The following ZNF280D variants were observed in gnomAD, a reference collection of about 807,000 sequenced individuals.
ZNF280D encodes the protein zinc finger protein 280D.
ZNF280D carries 39 observed loss-of-function variants against 94.7 expected under a neutral mutation model. The ratio of observed to expected loss-of-function variants is 0.41; its 90% CI spans 0.32 to 0.54. The LOEUF (loss-of-function observed/expected upper bound fraction) is 0.54. ZNF280D is among the 20% of genes least tolerant of loss of function. The pLI is 0.22. For synonymous variants in ZNF280D, 398 were observed against 377.6 expected (o/e 1.05, Z -0.63); for missense variants, 1,090 against 1,149.3 (o/e 0.95, Z 0.75).
At chr15:56,701,406 A>G (rs1442045765) in intron 4 of ZNF280D, among the ~76,000 whole-genome samples, 168 bp from the exon 5 acceptor site, 1 of 152,104 alleles carries the variant, frequency 6.6e-6, no homozygotes, top group African/African-American at 2.4e-5. Context: ...TTTACCTACT[A>G]AAGAAACAAA....
At chr15:56,666,060 T>C (rs1596407596) in intron 16 of ZNF280D, among the ~76,000 whole-genome samples, 1 of 151,882 alleles carries the variant, frequency 6.6e-6, no homozygotes, top group East Asian at 2.0e-4. Flanking sequence ...TGCTTGATCC[T>C]GGGAGGCAGA....
chr15:56,704,335 A>T (rs1202183792), intron 3 of ZNF280D, 68 bp from the exon 4 acceptor site: 2 of 1,415,002 alleles, frequency 1.4e-6, no homozygotes, highest in Non-Finnish European at 1.9e-6. Context: ...TTTGTAATAC[A>T]TAGCATTAAT....
intron 1 of ZNF280D, chr15:56,730,298 A>T (rs1273036144): frequency 6.6e-6 from 1 of 152,234 alleles, no homozygotes; most frequent in Admixed American, 6.5e-5. Flanking sequence ...CAAGAAAAAA[A>T]CTATTCAGGA....
intron 17 of ZNF280D, chr15:56,654,861 G>A (rs1301817784): frequency 5.0e-5 from 23 of 459,698 alleles, no homozygotes; most frequent in East Asian, 6.8e-5. Context: ...TGAACATAGC[G>A]TATTCATTCA....
At chr15:56,635,348 A>G (rs2052302416) in intron 20 of ZNF280D, 98 bp from the exon 21 acceptor site, 2 of 409,898 alleles carry the variant, frequency 4.9e-6, no homozygotes, top group Non-Finnish European at 8.1e-6. Context: ...CAAGTGTGCA[A>G]CTTAATATAA....
In ZNF280D at chr15:56,689,378, A is replaced by G. The variant is rs1218818660; in HGVS notation, c.592T>C (p.Ser198Pro). ...PKKPKPSESV[S>P]GANSSAVLPS... ...AATACAGCTGAGGAATTTGCTCCAG[A>G]AACACTTTCGCTGGGTTTAGGCTTC... The change falls in exon 8 of 22, where the codon TCT (serine) becomes CCT (proline). Residue 198 changes from serine (S) to proline (P), a missense_variant. Around this residue, in one of 3 missense-constraint regions of ZNF280D, gnomAD observed 386 missense variants for 372.0 expected, o/e 1.04. Coordinates refer to ENST00000267807, the MANE Select transcript of ZNF280D (RefSeq NM_017661.4). The G allele has an allele frequency of 1.2e-6, 2 of 1,610,236 alleles. No homozygotes were observed. Among genetic ancestry groups the G allele is most frequent in the African/African-American group, 2.7e-5 (2 of 74,864 alleles).
At chr15:56,635,808 G>A (rs1311176743) in intron 20 of ZNF280D, 1 of 152,216 alleles carries the variant, frequency 6.6e-6, no homozygotes, top group Non-Finnish European at 1.5e-5. Context: ...ACCTCAGTAA[G>A]CCATAGGCCA....
At chr15:56,692,551 C>T (rs1311532649) in intron 7 of ZNF280D, among the ~76,000 whole-genome samples, 1 of 151,980 alleles carries the variant, frequency 6.6e-6, no homozygotes, top group Non-Finnish European at 1.5e-5. Context: ...TTTAAATGTT[C>T]CTCAACAGGG....
Position 56,704,161 on chromosome 15 carries a change from G to T in ZNF280D, c.135C>A (p.Ile45=). ...TTGAACTTGATATCTCGCCAACAAA[G>T]ATTGGCTCATCATCATCGTCATCCT... The part of the protein sequence containing the change: ...EVEDDDDDEP[I]FVGEISSSKP... Residue 45 remains isoleucine (I), a synonymous_variant, in exon 4 of 22, where the codon ATC becomes ATA. Transcript: ENST00000267807. The T allele has an allele frequency of 6.2e-7, 1 of 1,613,776 alleles. No individual in the cohort carries two copies. Among genetic ancestry groups the T allele is most frequent in the Non-Finnish European group, 8.5e-7 (1 of 1,179,910 alleles).
At chr15:56,653,047 T>C (rs563551642) in intron 19 of ZNF280D, 2 of 970,710 alleles carry the variant, frequency 2.1e-6, no homozygotes, top group African/African-American at 3.5e-5. Flanking sequence ...CAAGAATCGG[T>C]ATTGTTAAAA....
At chr15:56,640,220 T>C (rs2052561920) in intron 20 of ZNF280D, among the ~76,000 whole-genome samples, 1 of 152,108 alleles carries the variant, frequency 6.6e-6, no homozygotes, top group African/African-American at 2.4e-5. Context: ...TACCAAGCCA[T>C]ATTGAAGCCT....
At chr15:56,690,852 T>A (rs2056384419) in intron 7 of ZNF280D, among the ~76,000 whole-genome samples, 1 of 152,204 alleles carries the variant, frequency 6.6e-6, no homozygotes, top group Admixed American at 6.5e-5. Flanking sequence ...TAAAGTCAGA[T>A]AAGTTCAAAT....
chr15:56,719,713 T>C (rs1464052003), intron 1 of ZNF280D, among the ~76,000 whole-genome samples: 1 of 152,068 alleles, frequency 6.6e-6, no homozygotes, highest in Non-Finnish European at 1.5e-5. Context: ...TATTGAGGGC[T>C]CTGTTCCAGA....
chr15:56,692,840 A>G (rs1212131637), intron 7 of ZNF280D, among the ~76,000 whole-genome samples: 1 of 152,160 alleles, frequency 6.6e-6, no homozygotes, highest in Non-Finnish European at 1.5e-5. Flanking sequence ...AATATTTCTC[A>G]GCTATGGTTA....
At position 56,661,165 on chromosome 15, in the gene ZNF280D, A is replaced by G. The variant is rs576027750; in HGVS notation, c.1995-2679T>C. Among the ~76,000 whole-genome samples, 6 of 152,334 alleles carry G rather than the reference A, an allele frequency of 3.9e-5. No homozygotes were observed. The South Asian group carries it at 1.2e-3, about 32-fold the overall frequency. On this transcript the variant is annotated intron_variant, in intron 16 of 21. Coordinates refer to ENST00000267807, the MANE Select transcript of ZNF280D (RefSeq NM_017661.4). Reference sequence around the variant, plus strand: ...GAAGCCAGCTAACAATTAGGAGTTCACTGCAGTTAGAAGACTCTTACTGCT... The same window carrying G: ...GAAGCCAGCTAACAATTAGGAGTTCGCTGCAGTTAGAAGACTCTTACTGCT...
intron 19 of ZNF280D, among the ~76,000 whole-genome samples, chr15:56,650,399 T>C (rs1370453412): frequency 6.6e-6 from 1 of 152,148 alleles, no homozygotes; most frequent in African/African-American, 2.4e-5. Flanking sequence ...TTCAACTCGA[T>C]TTCACAGAAA....
At chr15:56,667,118 C>T in intron 14 of ZNF280D, 132 bp from the exon 15 acceptor site, 1 of 604,126 alleles carries the variant, frequency 1.7e-6, no homozygotes. Context: ...AGGTAAGTCT[C>T]CCATTTATTC....
At chr15:56,686,936 T>C (rs2056063548) in intron 9 of ZNF280D, among the ~76,000 whole-genome samples, 2 of 152,136 alleles carry the variant, frequency 1.3e-5, no homozygotes, top group African/African-American at 4.8e-5. Flanking sequence ...CTAATTATTG[T>C]AGAATATTTG....
rs150028367 is a variant in ZNF280D, at chr15:56,682,824, G to A, written c.781-347C>T. Among the ~76,000 whole-genome samples, 20 of 151,876 alleles carry A rather than the reference G, an allele frequency of 1.3e-4. No individual in the cohort carries two copies. In the East Asian group the frequency reaches 2.3e-3, roughly 18 times the overall value. The stretch of plus-strand genomic sequence containing the variant: ...TAAAAATCATTCATCTCATGTCCAC[G>A]TCAAGATGTATAGAAAGGAAATGTT... On this transcript the variant is annotated intron_variant, in intron 9 of 21. Coordinates refer to ENST00000267807, the MANE Select transcript of ZNF280D (RefSeq NM_017661.4).
Sources: allele counts gnomAD v4.1 joint callset (sites outside exome capture counted in the v4.1 genomes callset), GRCh38; gene constraint gnomAD v4.1.1; regional missense constraint gnomAD v4.1.1; transcripts MANE v1.5; gene names NCBI Gene and HGNC (gene_info 2026-07-23, HGNC 2026-07-21).